Variants in LVRN observed in about 807,000 individuals in gnomAD.
LVRN encodes the protein aminopeptidase Q.
In LVRN, 99 loss-of-function variants were observed where a neutral mutation model predicts 111.4. The ratio of observed to expected loss-of-function variants is 0.89; its 90% CI spans 0.76 to 1.05. The LOEUF (loss-of-function observed/expected upper bound fraction) is 1.05, where lower values mean the gene tolerates loss of function less well. Among genes scored for constraint, LVRN ranks in the 50% least tolerant of loss-of-function variants. The probability of loss-of-function intolerance (pLI) is 0.00; values close to 1 mark genes in which losing one functional copy is unlikely to be tolerated. For missense variants in LVRN, 1,414 were observed against 1,206.8 expected (o/e 1.17, Z -2.54); for synonymous variants, 488 against 449.5 (o/e 1.09, Z -1.08).
At chr5:116,003,015 TAA>T in intron 11 of LVRN, 104 bp downstream of exon 11, 1 of 1,026,920 alleles carries the variant, frequency 9.7e-7, no homozygotes, top group East Asian at 2.7e-5. Flanking sequence ...CATTTCAAAC[TAA>T]AATATCATTC....
chr5:116,014,580 A>G (rs1392888468), intron 16 of LVRN, 53 bp downstream of exon 16: 32 of 1,458,272 alleles, frequency 2.2e-5, no homozygotes, highest in East Asian at 9.2e-5. Flanking sequence ...AGCACCAGCA[A>G]TTTCCCTTTT....
chr5:115,970,999 G>T (rs1246040333), intron 1 of LVRN, among the ~76,000 whole-genome samples: 1 of 152,166 alleles, frequency 6.6e-6, no homozygotes, highest in Non-Finnish European at 1.5e-5. Context: ...AATTCTAGTT[G>T]TTCCAAATCC....
chr5:116,016,230 A>G (rs969488402), intron 18 of LVRN, among the ~76,000 whole-genome samples: 1 of 152,212 alleles, frequency 6.6e-6, no homozygotes, highest in Non-Finnish European at 1.5e-5. Context: ...TAAGAAGGAA[A>G]TAAAAGTTCA....
At chr5:115,988,762 G>A (rs1177735822) in intron 4 of LVRN, among the ~76,000 whole-genome samples, 2 of 152,094 alleles carry the variant, frequency 1.3e-5, no homozygotes, top group Admixed American at 1.3e-4. Flanking sequence ...ATGGAAACCA[G>A]CCTCGGCCCA....
At chr5:116,010,297 A>G (rs1482910646) in intron 13 of LVRN, among the ~76,000 whole-genome samples, 2 of 152,054 alleles carry the variant, frequency 1.3e-5, no homozygotes, top group East Asian at 1.9e-4. Context: ...CTTTATTATG[A>G]TATTAGCTTT....
intron 1 of LVRN, among the ~76,000 whole-genome samples, chr5:115,969,259 C>G (rs1753269491): frequency 6.6e-6 from 1 of 152,036 alleles, no homozygotes; most frequent in Non-Finnish European, 1.5e-5. Context: ...AACTTTCAAC[C>G]ATTATTAATT....
At chr5:115,968,801 A>T (rs1561552468) in intron 1 of LVRN, among the ~76,000 whole-genome samples, 1 of 152,248 alleles carries the variant, frequency 6.6e-6, no homozygotes, top group Non-Finnish European at 1.5e-5. Context: ...TTCCCAGGAA[A>T]AATCAGCTGG....
intron 4 of LVRN, among the ~76,000 whole-genome samples, chr5:115,989,489 GCATATTCCACCAT>G (rs942291184): frequency 3.0e-4 from 45 of 152,204 alleles, no homozygotes; most frequent in African/African-American, 1.1e-3. Flanking sequence ...ACAGTATCCT[GCATATTCCACCAT>G]CTGAACTCTT....
intron 1 of LVRN, among the ~76,000 whole-genome samples, chr5:115,970,838 T>A (rs1753309180): frequency 6.6e-6 from 1 of 152,264 alleles, no homozygotes; most frequent in Non-Finnish European, 1.5e-5. Context: ...CCAGGAATAC[T>A]CATATACAAG....
At position 115,964,173 on chromosome 5, in the gene LVRN, A is replaced by G. The variant is rs79062919; in HGVS notation, c.695+861A>G. On this transcript the variant is annotated intron_variant, in intron 1 of 19. Coordinates refer to ENST00000357872, the MANE Select transcript of LVRN (RefSeq NM_173800.5). ...GCTTAAGTGGGAGATATCAAAATTT[A>G]TTTTTTTTCCAACCGGCGATCTCTT... Among the ~76,000 whole-genome samples, 8 of 152,002 alleles carry G rather than the reference A, an allele frequency of 5.3e-5. No individual in the cohort carries two copies. In the East Asian group the frequency reaches 9.7e-4, roughly 18 times the overall value.
At chr5:115,995,053 A>G (rs1255810293) in intron 6 of LVRN, among the ~76,000 whole-genome samples, 2 of 151,864 alleles carry the variant, frequency 1.3e-5, no homozygotes, top group Admixed American at 6.6e-5. Flanking sequence ...TCTCCTCCCT[A>G]CCTTCACTCA....
chr5:115,972,604 T>C (rs1753351410), intron 1 of LVRN, among the ~76,000 whole-genome samples: 2 of 152,094 alleles, frequency 1.3e-5, no homozygotes, highest in Non-Finnish European at 2.9e-5. Context: ...CTTATTTCAA[T>C]GACTAGAGCT....
At chr5:115,996,959 T>C (rs1748126352) in intron 6 of LVRN, among the ~76,000 whole-genome samples, 1 of 152,230 alleles carries the variant, frequency 6.6e-6, no homozygotes, top group African/African-American at 2.4e-5. Flanking sequence ...TTGAGACAAC[T>C]ACCACTAACT....
At position 116,025,845 on chromosome 5, in the gene LVRN, G is replaced by T. The variant is rs554373475; in HGVS notation, c.2833-133G>T. ...GTCTCCCCAGGGACACACAACCTAG[G>T]AGTATACATTTCTACTCATTCCAAC... On this transcript the variant is annotated intron_variant, in intron 19 of 19. Transcript: ENST00000357872. 23 of 1,119,728 alleles carry T rather than the reference G, an allele frequency of 2.1e-5. No homozygotes were observed. In the African/African-American group the frequency reaches 3.3e-4, roughly 16 times the overall value. 69.4% of individuals were successfully genotyped at this position (1,119,728 alleles called of 1,614,324 possible). A position where few individuals can be genotyped will look rare whatever the true frequency, so the allele number is the denominator to read the frequency against.
chr5:115,978,463 G>T (rs1753493080), intron 1 of LVRN, among the ~76,000 whole-genome samples: 1 of 152,160 alleles, frequency 6.6e-6, no homozygotes, highest in Admixed American at 6.6e-5. Context: ...AATTTAGTCT[G>T]TGGGGTAACT....
intron 18 of LVRN, among the ~76,000 whole-genome samples, chr5:116,020,603 A>G (rs1256866073): frequency 1.3e-5 from 2 of 152,170 alleles, no homozygotes; most frequent in African/African-American, 4.8e-5. Context: ...GTATTTCATG[A>G]TGGGGAACAC....
chr5:115,986,687 A>C (rs1747872121), intron 3 of LVRN, among the ~76,000 whole-genome samples: 1 of 152,248 alleles, frequency 6.6e-6, no homozygotes, highest in African/African-American at 2.4e-5. Flanking sequence ...AGTAACAGAT[A>C]AAGATTTCAT....
intron 1 of LVRN, among the ~76,000 whole-genome samples, chr5:115,977,692 C>T (rs1753476894): frequency 6.6e-6 from 1 of 152,178 alleles, no homozygotes; most frequent in African/African-American, 2.4e-5. Context: ...ACCTGGAGCC[C>T]TGATTCTGGT....
At chr5:116,021,306 T>G (rs1431134663) in intron 18 of LVRN, 1 of 152,398 alleles carries the variant, frequency 6.6e-6, no homozygotes, top group Non-Finnish European at 1.5e-5. Flanking sequence ...TTTTCCATTT[T>G]TATTTTTAAG....
Sources: gnomAD v4.1 joint callset for allele counts (sites outside exome capture counted in the v4.1 genomes callset) on GRCh38, gnomAD v4.1.1 for gene constraint, MANE v1.5 for transcripts, NCBI Gene and HGNC (gene_info 2026-07-23, HGNC 2026-07-21) for gene names.